Variants in CSMD1 observed in about 807,000 individuals in gnomAD.
The protein encoded by CSMD1 is CUB and Sushi multiple domains 1, also known as CUB and sushi domain-containing protein 1.
In CSMD1, 213 loss-of-function variants were observed where a neutral mutation model predicts 417.5. The ratio of observed to expected loss-of-function variants is 0.51; its 90% CI spans 0.46 to 0.57. CSMD1 has a LOEUF of 0.57. Ranked by LOEUF, CSMD1 falls within the 20% of genes least tolerant of loss-of-function variation. CSMD1 has a pLI of 0.00. For synonymous variants in CSMD1, 2,862 were observed against 1,736.8 expected, an observed-to-expected ratio of 1.65 and a Z score of -16.11; for missense variants, 6,923 against 4,529.7, an observed-to-expected ratio of 1.53 and a Z score of -15.17.
rs747205860 is a variant in CSMD1 at position 4,899,766 on chromosome 8, A to G, written c.85+94566T>C. Among the ~76,000 whole-genome samples, 5 of 152,334 alleles carry G rather than the reference A, an allele frequency of 3.3e-5. No homozygotes were observed. In the East Asian group the frequency reaches 5.8e-4, roughly 18 times the overall value. Reference sequence around the variant, plus strand: ...GGAAAAGAAAAAGCTAGAATGCACTATAACTTCATCTTCCAAGAGGATACA... The same window carrying G: ...GGAAAAGAAAAAGCTAGAATGCACTGTAACTTCATCTTCCAAGAGGATACA... On this transcript the variant is annotated intron_variant, in intron 1 of 69. Coordinates refer to ENST00000635120, the MANE Select transcript of CSMD1 (RefSeq NM_033225.6).
chr8:3,166,337 C>G (rs141907929), intron 37 of CSMD1, among the ~76,000 whole-genome samples: 80 of 152,164 alleles, frequency 5.3e-4, no homozygotes, highest in African/African-American at 1.9e-3. Flanking sequence ...TCAAGACCAG[C>G]CTGGCCAACA....
At chr8:3,700,516 G>C (rs73658210) in intron 7 of CSMD1, 1 of 152,236 alleles carries the variant, frequency 6.6e-6, no homozygotes, top group Non-Finnish European at 1.5e-5. Flanking sequence ...CACCCTGAAT[G>C]CACCTGATCT....
intron 5 of CSMD1, among the ~76,000 whole-genome samples, chr8:3,871,772 A>T (rs2129113009): frequency 6.6e-6 from 1 of 152,348 alleles, no homozygotes; most frequent in Non-Finnish European, 1.5e-5. Context: ...GGTGGATGAC[A>T]TAAAGATTAA....
chr8:3,015,105 A>G (rs1007133130), intron 52 of CSMD1, among the ~76,000 whole-genome samples: 7 of 151,886 alleles, frequency 4.6e-5, no homozygotes, highest in African/African-American at 1.7e-4. Context: ...TAATGAAAAA[A>G]AAAAACAGAA....
intron 1 of CSMD1, among the ~76,000 whole-genome samples, chr8:4,726,755 C>T (rs1809486860): frequency 6.6e-6 from 1 of 152,194 alleles, no homozygotes; most frequent in Non-Finnish European, 1.5e-5. Flanking sequence ...GTTATGACTG[C>T]ATGTCCTTTC....
intron 1 of CSMD1, among the ~76,000 whole-genome samples, chr8:4,917,504 G>A (rs1294199688): frequency 6.6e-6 from 1 of 152,026 alleles, no homozygotes; most frequent in Non-Finnish European, 1.5e-5. Flanking sequence ...CATGGTGGCG[G>A]GTGCCTGTAC....
At chr8:3,345,267 C>T (rs1313069007) in intron 22 of CSMD1, among the ~76,000 whole-genome samples, 1 of 152,100 alleles carries the variant, frequency 6.6e-6, no homozygotes, top group Non-Finnish European at 1.5e-5. Context: ...CACCTTGCTC[C>T]CAGTGGCTTC....
intron 7 of CSMD1, among the ~76,000 whole-genome samples, chr8:3,684,034 A>T (rs1799805025): frequency 6.6e-6 from 1 of 150,614 alleles, no homozygotes; most frequent in Middle Eastern, 3.4e-3. Context: ...CCAAAGAGAC[A>T]GTCTTTCTAT....
intron 10 of CSMD1, among the ~76,000 whole-genome samples, chr8:3,530,921 G>T (rs750863105): frequency 6.7e-6 from 1 of 150,308 alleles, no homozygotes; most frequent in Non-Finnish European, 1.5e-5. Flanking sequence ...GCAGTGGTAC[G>T]ATCTCACTGC....
intron 3 of CSMD1, among the ~76,000 whole-genome samples, chr8:4,246,327 T>A (rs1015880465): frequency 3.9e-5 from 6 of 152,130 alleles, no homozygotes; most frequent in African/African-American, 7.2e-5. Flanking sequence ...TCCACCTCCA[T>A]CCACGTCCTT....
At chr8:4,740,686 A>G (rs941878072) in intron 1 of CSMD1, among the ~76,000 whole-genome samples, 2 of 152,194 alleles carry the variant, frequency 1.3e-5, no homozygotes, top group African/African-American at 4.8e-5. Context: ...AATCTACTCA[A>G]GGAGGGTGAG....
intron 8 of CSMD1, among the ~76,000 whole-genome samples, chr8:3,586,651 C>G (rs551060843): frequency 7.1e-4 from 108 of 152,098 alleles, no homozygotes; most frequent in Admixed American, 1.3e-4. Flanking sequence ...AAATATTTTA[C>G]AAAAACAAGA....
intron 3 of CSMD1, among the ~76,000 whole-genome samples, chr8:4,051,539 A>G (rs1372705991): frequency 6.6e-6 from 1 of 152,204 alleles, no homozygotes; most frequent in Non-Finnish European, 1.5e-5. Flanking sequence ...TCGAATCAGC[A>G]GAGAAAAGCA....
rs1222552939 is a variant in CSMD1, at chr8:3,586,203, T to C, written c.1155A>G (p.Lys385=). The C allele has an allele frequency of 9.9e-6, 16 of 1,612,890 alleles. No homozygotes were observed. The African/African-American group carries it at 1.7e-4, about 18-fold the overall frequency. ...CTGTAACTCTCTGACAGGTGATGCT[T>C]TTAGATCCCTGGAGCACGTAATTGT... The part of the protein sequence containing the change: ...CEDNYVLQGS[K]SITCQRVTET... Residue 385 remains lysine, a synonymous_variant, in exon 9 of 70, where the codon AAA becomes AAG. Transcript: ENST00000635120.
At chr8:3,398,092 T>C (rs112218221) in intron 16 of CSMD1, among the ~76,000 whole-genome samples, 142 of 152,172 alleles carry the variant, frequency 9.3e-4, no homozygotes, top group African/African-American at 3.3e-3. Context: ...ATCAAGCAAA[T>C]ATCTTCCTTC....
chr8:4,193,920 C>G (rs959013328), intron 3 of CSMD1, among the ~76,000 whole-genome samples: 5 of 151,722 alleles, frequency 3.3e-5, no homozygotes. Context: ...GGAGAAAGTA[C>G]AATGTTTAAT....
At chr8:3,452,455 G>C (rs1053569152) in intron 12 of CSMD1, among the ~76,000 whole-genome samples, 1 of 152,144 alleles carries the variant, frequency 6.6e-6, no homozygotes, top group African/African-American at 2.4e-5. Flanking sequence ...CTGTGGGTTT[G>C]TCATAGATAG....
chr8:3,554,821 G>C (rs1205306121), intron 10 of CSMD1, among the ~76,000 whole-genome samples: 1 of 152,126 alleles, frequency 6.6e-6, no homozygotes, highest in African/African-American at 2.4e-5. Context: ...AGTGAGCTGG[G>C]TCTGGGCAGG....
chr8:4,723,969 G>T (rs1228536960), intron 1 of CSMD1, among the ~76,000 whole-genome samples: 1 of 151,876 alleles, frequency 6.6e-6, no homozygotes, highest in Admixed American at 6.6e-5. Flanking sequence ...TCCAATCTCG[G>T]GCAGAAAGAA....
Sources: allele counts gnomAD v4.1 joint callset (sites outside exome capture counted in the v4.1 genomes callset), GRCh38; gene constraint gnomAD v4.1.1; transcripts MANE v1.5; gene names NCBI Gene and HGNC (gene_info 2026-07-23, HGNC 2026-07-21).